The following TPM1 variants were observed in gnomAD, a reference collection of about 807,000 sequenced individuals.
TPM1 encodes the protein tropomyosin 1.
A neutral mutation model predicts 42.9 loss-of-function variants in TPM1; 24 were observed. The ratio of observed to expected loss-of-function variants is 0.56; its 90% CI spans 0.41 to 0.79. TPM1 has a LOEUF of 0.79. Ranked by LOEUF, TPM1 falls within the 30% of genes least tolerant of loss-of-function variation. TPM1 has a pLI of 0.00. For synonymous variants in TPM1, 136 were observed against 130.1 expected, an observed-to-expected ratio of 1.05 and a Z score of -0.31; for missense variants, 158 against 351.8, an observed-to-expected ratio of 0.45 and a Z score of 4.41.
At position 63,066,084 on chromosome 15, in the gene TPM1, G is replaced by C; in HGVS notation, c.*185G>C. ...TTCGTTTCAGTGTCAAATAAACACT[G>C]TGTAAGCTATTTCTGTTTGCTATTC... On this transcript the variant is annotated 3_prime_UTR_variant, in exon 10 of 10. Transcript: ENST00000403994. The C allele has an allele frequency of 6.6e-7, 1 of 1,516,142 alleles. No individual in the cohort carries two copies. The highest frequency in any genetic ancestry group is 2.5e-5 in the East Asian group (1 of 40,778). The allele number at this position is 1,516,142 out of a possible 1,614,324, so 93.9% of individuals were successfully genotyped here.
downstream of TPM1, chr15:63,070,407 G>T: frequency 1.0e-6 from 1 of 995,216 alleles, no homozygotes; most frequent in Non-Finnish European, 1.2e-6. Flanking sequence ...ATGTACCTAT[G>T]CTTGGGCAAA....
chr15:63,048,494 G>A, intron 2 of TPM1: 2 of 1,455,028 alleles, frequency 1.4e-6, no homozygotes, highest in Non-Finnish European at 1.8e-6. Context: ...TGGGCAGCCA[G>A]GACAGCCGCG....
Position 63,061,193 on chromosome 15 carries a change from A to G in TPM1, c.563+254A>G, listed in dbSNP as rs397516380. 1 of 1,614,158 alleles carries G rather than the reference A, an allele frequency of 6.2e-7. No homozygotes were observed. The highest frequency in any genetic ancestry group is 1.7e-5 in the Admixed American group (1 of 60,020). On this transcript the variant is annotated intron_variant, in intron 5 of 9. Coordinates refer to ENST00000403994, the MANE Select transcript of TPM1 (RefSeq NM_001018005.2). ...GCCTTGTGCATTTCCTGTGTCCACT[A>G]ACAGCCAAGTCCGACAGCTGGAAGA...
At chr15:63,063,202 G>C in intron 8 of TPM1, 1 of 985,408 alleles carries the variant, frequency 1.0e-6, no homozygotes, top group Non-Finnish European at 1.2e-6. Context: ...CTATCTCACA[G>C]ATATCCTAAA....
intron 2 of TPM1, among the ~76,000 whole-genome samples, chr15:63,049,915 G>A (rs2033475840): frequency 6.6e-6 from 1 of 152,212 alleles, no homozygotes; most frequent in Non-Finnish European, 1.5e-5. Flanking sequence ...GCTAGTAGCT[G>A]TCCTTGAACC....
chr15:63,061,684 C>T (rs368990150), intron 5 of TPM1, 29 bp from the exon 6 acceptor site: 29 of 1,608,944 alleles, frequency 1.8e-5, no homozygotes, highest in Non-Finnish European at 2.4e-5. Context: ...TTGTCTCCCA[C>T]CCTTTCTGCC....
At chr15:63,069,159 C>CA (rs963263318), downstream of TPM1, among the ~76,000 whole-genome samples, 2 of 151,904 alleles carry the variant, frequency 1.3e-5, no homozygotes, top group Non-Finnish European at 2.9e-5. Flanking sequence ...TCTCAAAAAA[C>CA]AAAAAAAGCA....
chr15:63,066,103 G>C lies in TPM1; in HGVS notation c.*204G>C. On this transcript the variant is annotated 3_prime_UTR_variant, in exon 10 of 10. Coordinates refer to ENST00000403994, the MANE Select transcript of TPM1 (RefSeq NM_001018005.2). ...AACACTGTGTAAGCTATTTCTGTTT[G>C]CTATTCTTTTTACTTCTTATTTATT... 1 of 1,495,732 alleles carries C rather than the reference G, an allele frequency of 6.7e-7. No homozygotes were observed. Among genetic ancestry groups the C allele is most frequent in the Non-Finnish European group, 8.8e-7 (1 of 1,131,338 alleles). The allele number at this position is 1,495,732 out of a possible 1,614,324, so 92.7% of individuals were successfully genotyped here.
chr15:63,064,152 C>T lies in TPM1; in HGVS notation c.851+10C>T, dbSNP rs369151855. On this transcript the variant is annotated intron_variant, in intron 9 of 9. Transcript: ENST00000403994. Reference sequence around the variant, plus strand: ...ACGATATGACTTCCATGTAAACGTTCATCCACTCTGCCTGCTTACACCCTG... The same window carrying T: ...ACGATATGACTTCCATGTAAACGTTTATCCACTCTGCCTGCTTACACCCTG... 2.5e-6 allele frequency: 4 copies of T among 1,613,028 alleles called. No individual in the cohort carries two copies. In the Admixed American group the frequency reaches 6.7e-5, roughly 27 times the overall value.
At chr15:63,044,229 A>G in intron 2 of TPM1, 77 bp downstream of exon 2, 4 of 1,610,410 alleles carry the variant, frequency 2.5e-6, no homozygotes, top group Non-Finnish European at 2.5e-6. Context: ...GCTGGAGAGC[A>G]ATGAAGGAAG....
chr15:63,069,918 T>C (rs1259235740), downstream of TPM1: 2 of 1,614,134 alleles, frequency 1.2e-6, no homozygotes, highest in Admixed American at 1.7e-5. Flanking sequence ...ACTAATGAAC[T>C]AAAGCTGGCC....
At chr15:63,062,070 G>A (rs2035709884) in intron 6 of TPM1, 145 bp from the exon 7 acceptor site, 2 of 761,004 alleles carry the variant, frequency 2.6e-6, no homozygotes, top group East Asian at 2.7e-5. Context: ...AGAATGTATT[G>A]CAGTGTGCCA....
At chr15:63,048,734 G>C (rs760677450) in intron 2 of TPM1, 1 of 1,526,236 alleles carries the variant, frequency 6.6e-7, no homozygotes, top group Non-Finnish European at 8.8e-7. Flanking sequence ...TCACCCCGCA[G>C]CCCCCAGAGG....
intron 2 of TPM1, among the ~76,000 whole-genome samples, chr15:63,052,425 A>T (rs1029730505): frequency 1.3e-5 from 2 of 152,320 alleles, no homozygotes; most frequent in Admixed American, 1.3e-4. Flanking sequence ...GGGGAGGCTG[A>T]GGCAGGAGAA....
At chr15:63,046,563 A>C (rs1422231960) in intron 2 of TPM1, 1 of 152,378 alleles carries the variant, frequency 6.6e-6, no homozygotes, top group Non-Finnish European at 1.5e-5. Flanking sequence ...GAAGATTGTC[A>C]TTCAGGAGTA....
At chr15:63,066,257 C>T (rs2036266462), downstream of TPM1, 12 of 1,105,094 alleles carry the variant, frequency 1.1e-5, no homozygotes, top group South Asian at 2.4e-4. Flanking sequence ...GTTTCTAAAG[C>T]AGTAGTTCCT....
rs183988237 is a variant in TPM1 at position 63,060,684 on chromosome 15, C to G, written c.493-185C>G. 9.2e-5 allele frequency among the ~76,000 whole-genome samples: 14 copies of G among 152,322 alleles called. No individual in the cohort carries two copies. The East Asian group carries it at 2.7e-3, about 29-fold the overall frequency. On this transcript the variant is annotated intron_variant, in intron 4 of 9. Transcript: ENST00000403994. Reference sequence around the variant, plus strand: ...CCATTCTGAGTCAAAGCAGAAGCCTCTGATCTCCTCTCTGCTGGCACTCCT... The same window carrying G: ...CCATTCTGAGTCAAAGCAGAAGCCTGTGATCTCCTCTCTGCTGGCACTCCT...
intron 7 of TPM1, 148 bp downstream of exon 7, chr15:63,062,425 G>A: frequency 8.1e-7 from 1 of 1,235,316 alleles, no homozygotes; most frequent in Non-Finnish European, 1.2e-6. Flanking sequence ...TGTGCTAACT[G>A]CCATTTCTCA....
At chr15:63,063,158 A>G in intron 8 of TPM1, 1 of 984,734 alleles carries the variant, frequency 1.0e-6, no homozygotes, top group South Asian at 4.7e-5. Flanking sequence ...TTTCTTCCCT[A>G]AGGCACTTAG....
Sources: allele counts gnomAD v4.1 joint callset (sites outside exome capture counted in the v4.1 genomes callset), GRCh38; gene constraint gnomAD v4.1.1; transcripts MANE v1.5; gene names NCBI Gene and HGNC (gene_info 2026-07-23, HGNC 2026-07-21).